CHD7: variants seen among roughly 807,000 people sequenced by gnomAD.
CHD7 encodes the protein ATP-dependent chromatin remodeler CHD7.
In CHD7, 24 loss-of-function variants were observed where a neutral mutation model predicts 307.3. That is an observed-to-expected ratio of 0.08 (90% CI 0.06 to 0.11). The LOEUF (loss-of-function observed/expected upper bound fraction) is 0.11. Ranked by LOEUF, CHD7 falls within the 10% of genes least tolerant of loss-of-function variation. The probability of loss-of-function intolerance (pLI) is 1.00; values close to 1 mark genes in which losing one functional copy is unlikely to be tolerated. For synonymous variants in CHD7, 1,363 were observed against 1,349.9 expected (o/e 1.01, Z -0.21); for missense variants, 3,106 against 3,727.1 (o/e 0.83, Z 4.34).
At chr8:60,756,328 C>G (rs535213015) in intron 2 of CHD7, among the ~76,000 whole-genome samples, 1 of 152,180 alleles carries the variant, frequency 6.6e-6, no homozygotes, top group East Asian at 1.9e-4. Flanking sequence ...AGGATATAGT[C>G]ATCTATACAT....
In CHD7 at chr8:60,853,095, T is replaced by C; in HGVS notation, c.6370T>C (p.Phe2124Leu). The change falls in exon 31 of 38, where the codon TTC (phenylalanine) becomes CTC (leucine). Residue 2124 changes from phenylalanine (F) to leucine (L), a missense_variant. Phe to Leu is a conservative substitution (Grantham distance 22, BLOSUM62 0). Coordinates refer to ENST00000423902, the MANE Select transcript of CHD7 (RefSeq NM_017780.4). ...YHILNDPELSFLDAHKNFAQN... is the reference protein window; with the variant it reads ...YHILNDPELSLLDAHKNFAQN... ...CATCCTCAATGACCCTGAGTTATCC[T>C]TCTTGGATGCACATAAAAACTTTGC... 1.1e-5 allele frequency: 18 copies of C among 1,613,976 alleles called. No individual in the cohort carries two copies. The highest frequency in any genetic ancestry group is 1.5e-5 in the Non-Finnish European group (18 of 1,179,880).
rs71245516 is a variant in CHD7 at position 60,714,406 on chromosome 8, G to GCCCCCCCC, written c.-174-26839_-174-26832dup. On this transcript the variant is annotated intron_variant, in intron 1 of 37. Transcript: ENST00000423902. ...CTGACAACATGGCGGCCGGGAGAAGGCCCCCCCCCCCCCCCCCCCCCGCCC... is the reference window on the plus strand; with the variant it reads ...CTGACAACATGGCGGCCGGGAGAAGGCCCCCCCCCCCCCCCCCCCCCCCCCCCCCGCCC... Among the ~76,000 whole-genome samples, 134 of 17,622 alleles carry GCCCCCCCC rather than the reference G, an allele frequency of 7.6e-3. 36 individuals are homozygous for GCCCCCCCC. The highest frequency in any genetic ancestry group is 9.7e-3 in the Non-Finnish European group (79 of 8,178). The allele number at this position is 17,622 out of a possible 152,430, so 11.6% of individuals were successfully genotyped here. A position where few individuals can be genotyped will look rare whatever the true frequency, so the allele number is the denominator to read the frequency against.
chr8:60,850,529 C>T lies in CHD7; in HGVS notation c.5441C>T (p.Ala1814Val), dbSNP rs1805407417. The T allele has an allele frequency of 1.1e-5, 17 of 1,613,572 alleles. No homozygotes were observed. Among genetic ancestry groups the T allele is most frequent in the Admixed American group, 1.7e-5 (1 of 59,978 alleles). Residue 1814 changes from alanine (A) to valine (V), a missense_variant, in exon 26 of 38, where the codon GCG becomes GTG. By Grantham distance (64) the Ala-to-Val change is moderately conservative (BLOSUM62 0). Around this residue, in one of 10 missense-constraint regions of CHD7, gnomAD observed 1,030 missense variants for 1,165.4 expected, o/e 0.88. Transcript: ENST00000423902. ...TACAACTCCATGCGAGCTGACCCCGCGCTGTGCTTTCTGGAACGAGTCGGT... is the reference window on the plus strand; with the variant it reads ...TACAACTCCATGCGAGCTGACCCCGTGCTGTGCTTTCTGGAACGAGTCGGT... ...EKYNSMRADPALCFLERVGMP... is the reference protein window; with the variant it reads ...EKYNSMRADPVLCFLERVGMP...
chr8:60,806,304 A>G (rs1444693857), intron 6 of CHD7, among the ~76,000 whole-genome samples: 1 of 152,162 alleles, frequency 6.6e-6, no homozygotes, highest in African/African-American at 2.4e-5. Flanking sequence ...CAGAGCTTGC[A>G]GTGAGCCGAG....
chr8:60,851,271 A>G lies in CHD7; in HGVS notation c.5617A>G (p.Asn1873Asp), dbSNP rs1403279129. The G allele has an allele frequency of 2.6e-6, 4 of 1,555,752 alleles. No individual in the cohort carries two copies. The highest frequency in any genetic ancestry group is 1.2e-5 in the South Asian group (1 of 84,284). ...PFKDEIDEFA[N>D]SPSEDKEESM... is the part of the protein sequence containing the mutation. ...TTGCTTTGCTTTCAAGGAATTTGCA[A>G]ATTCTCCTTCAGAGGATAAGGAAGA... The change falls in exon 28 of 38, where the codon AAT becomes GAT. Residue 1873 changes from asparagine to aspartate, a missense_variant. Coordinates refer to ENST00000423902, the MANE Select transcript of CHD7 (RefSeq NM_017780.4).
At chr8:60,806,526 T>C (rs1198599364) in intron 6 of CHD7, among the ~76,000 whole-genome samples, 1 of 152,210 alleles carries the variant, frequency 6.6e-6, no homozygotes, top group Non-Finnish European at 1.5e-5. Flanking sequence ...ACATTTCTTT[T>C]TATTTTGGAT....
At chr8:60,789,259 A>G (rs1811654883) in intron 3 of CHD7, among the ~76,000 whole-genome samples, 1 of 152,204 alleles carries the variant, frequency 6.6e-6, no homozygotes, top group Non-Finnish European at 1.5e-5. Flanking sequence ...CCACAAAAAC[A>G]TCTCTTTTAC....
chr8:60,853,569 C>A (rs1224589805), intron 31 of CHD7, 69 bp downstream of exon 31: 2 of 1,234,282 alleles, frequency 1.6e-6, no homozygotes, highest in Non-Finnish European at 2.2e-6. Flanking sequence ...TGCTTTCTGG[C>A]AGCACGGCAC....
chr8:60,684,253 T>G (rs539577683), intron 1 of CHD7, among the ~76,000 whole-genome samples: 2 of 152,336 alleles, frequency 1.3e-5, no homozygotes, highest in African/African-American at 4.8e-5. Context: ...CTTTTTAAAG[T>G]GACCCTTTGA....
chr8:60,830,718 C>A (rs1804471071), intron 15 of CHD7, 141 bp downstream of exon 15: 3 of 896,892 alleles, frequency 3.3e-6, no homozygotes, highest in Non-Finnish European at 5.0e-6. Flanking sequence ...CAGCTTCCCA[C>A]TTTCTGTGAT....
intron 2 of CHD7, among the ~76,000 whole-genome samples, chr8:60,743,717 T>C (rs1370467855): frequency 6.6e-6 from 1 of 152,236 alleles, no homozygotes; most frequent in Non-Finnish European, 1.5e-5. Context: ...CTTCCTTTTT[T>C]GTAAGCTGAC....
At position 60,852,629 on chromosome 8, in the gene CHD7, A is replaced by C; in HGVS notation, c.6026A>C (p.Glu2009Ala). 2 of 1,613,942 alleles carry C rather than the reference A, an allele frequency of 1.2e-6. No homozygotes were observed. The highest frequency in any genetic ancestry group is 1.7e-6 in the Non-Finnish European group (2 of 1,179,886). Residue 2009 changes from glutamate (E) to alanine (A), a missense_variant, in exon 30 of 38, where the codon GAG becomes GCG. By Grantham distance (107) the Glu-to-Ala change is moderately radical (BLOSUM62 -1). Around this residue, in one of 10 missense-constraint regions of CHD7, gnomAD observed 1,030 missense variants for 1,165.4 expected, o/e 0.88. Coordinates refer to ENST00000423902, the MANE Select transcript of CHD7 (RefSeq NM_017780.4). ...GCCAGGCTTGACAAAAAATCTGATG[A>C]GAGTTTGGAGAAATACTTCAGTTGT... Reference protein sequence around the residue: ...AFARLDKKSDESLEKYFSCFV... With the variant: ...AFARLDKKSDASLEKYFSCFV...
Position 60,843,225 on chromosome 8 carries a change from C to G in CHD7, c.4850+1173C>G, listed in dbSNP as rs1805050623. Among the ~76,000 whole-genome samples, 3 of 152,268 alleles carry G rather than the reference C, an allele frequency of 2.0e-5. No homozygotes were observed. In the South Asian group the frequency reaches 6.2e-4, roughly 32 times the overall value. ...TGATAAATGCTTGTTCAACAGAAGT[C>G]CATCATTATCTGTGAAGCTGGACAT... On this transcript the variant is annotated intron_variant, in intron 21 of 37. Coordinates refer to ENST00000423902, the MANE Select transcript of CHD7 (RefSeq NM_017780.4).
intron 15 of CHD7, among the ~76,000 whole-genome samples, chr8:60,834,464 T>C (rs548715134): frequency 1.3e-5 from 2 of 152,354 alleles, no homozygotes; most frequent in African/African-American, 4.8e-5. Flanking sequence ...CTTGAGGGGC[T>C]TGTCCTGAAT....
In CHD7 at chr8:60,742,517, T is replaced by C. The variant is rs748181926; in HGVS notation, c.1085T>C (p.Met362Thr). Residue 362 changes from methionine to threonine, a missense_variant, in exon 2 of 38, where the codon ATG (methionine) becomes ACG (threonine). This residue lies in a region of CHD7 where 998 missense variants were observed against 1,004.5 expected (regional missense o/e 0.99). Coordinates refer to ENST00000423902, the MANE Select transcript of CHD7 (RefSeq NM_017780.4). ...GFPSNSGQGL[M>T]HQQPIHPSGS... ...CCATCAAACAGTGGTCAAGGACTAATGCACCAGCAGCCCATCCACCCCAGT... is the reference window on the plus strand; with the variant it reads ...CCATCAAACAGTGGTCAAGGACTAACGCACCAGCAGCCCATCCACCCCAGT... The C allele has an allele frequency of 9.3e-6, 15 of 1,614,030 alleles. No individual in the cohort carries two copies. The highest frequency in any genetic ancestry group is 1.7e-5 in the Admixed American group (1 of 60,030).
At chr8:60,734,283 A>T (rs565836432) in intron 1 of CHD7, among the ~76,000 whole-genome samples, 1 of 152,298 alleles carries the variant, frequency 6.6e-6, no homozygotes, top group East Asian at 1.9e-4. Context: ...ATAAAGGCAG[A>T]TTCTGGTGCA....
intron 19 of CHD7, among the ~76,000 whole-genome samples, chr8:60,838,918 C>T (rs550340973): frequency 2.1e-4 from 32 of 152,312 alleles, no homozygotes; most frequent in Middle Eastern, 6.8e-3. Flanking sequence ...TTTTTAATGA[C>T]TTTATTGAAA....
chr8:60,824,801 A>G (rs533205268), intron 13 of CHD7: 1 of 151,406 alleles, frequency 6.6e-6, no homozygotes, highest in East Asian at 1.9e-4. Context: ...GATTTTCTAG[A>G]TTTTTTTTTC....
At chr8:60,820,246 G>A (rs2150745637) in intron 9 of CHD7, among the ~76,000 whole-genome samples, 156 bp downstream of exon 9, 1 of 152,188 alleles carries the variant, frequency 6.6e-6, no homozygotes, top group African/African-American at 2.4e-5. Flanking sequence ...TTTATTATTA[G>A]TTTTATGACT....
Sources: allele counts gnomAD v4.1 joint callset (sites outside exome capture counted in the v4.1 genomes callset), GRCh38; gene constraint gnomAD v4.1.1; regional missense constraint gnomAD v4.1.1; transcripts MANE v1.5; gene names NCBI Gene and HGNC (gene_info 2026-07-23, HGNC 2026-07-21).